The following HYI variants were observed in gnomAD, a reference collection of about 807,000 sequenced individuals.
HYI encodes hydroxypyruvate isomerase (putative).
A neutral mutation model predicts 39.7 loss-of-function variants in HYI; 47 were observed. That is an observed-to-expected ratio of 1.18 (90% CI 0.94 to 1.51). The LOEUF (loss-of-function observed/expected upper bound fraction) is 1.51. Ranked by LOEUF, HYI falls within the 40% of genes most tolerant of loss-of-function variation. The pLI is 0.00. For missense variants in HYI, 465 were observed against 370.3 expected, an observed-to-expected ratio of 1.26 and a Z score of -2.10; for synonymous variants, 186 against 158.8, an observed-to-expected ratio of 1.17 and a Z score of -1.29.
Position 43,451,961 on chromosome 1 carries a change from TG to T in HYI, c.478del (p.Gln160SerfsTer17). 1.9e-6 allele frequency: 3 copies of T among 1,612,138 alleles called. No individual in the cohort carries two copies. Among genetic ancestry groups the T allele is most frequent in the Non-Finnish European group, 2.5e-6 (3 of 1,178,626 alleles). ...CTGCTGGGGCGTGTCCAGGAAGTACTGGGGGTCAGTGATGCGGGTGTTGATG... is the reference window on the plus strand; with the variant it reads ...CTGCTGGGGCGTGTCCAGGAAGTACTGGGGTCAGTGATGCGGGTGTTGATG... ...EPINTRITDPQYFLDTPQQAA... is the reference protein window; with the variant it reads ...EPINTRITDPXYFLDTPQQAA... On this transcript the variant is annotated frameshift_variant, in exon 4 of 8. Coordinates refer to ENST00000372430, the MANE Select transcript of HYI (RefSeq NM_001190880.3). LOFTEE classifies it high-confidence loss of function.
Position 43,451,998 on chromosome 1 carries a change from G to A in HYI, c.442C>T (p.Leu148=), listed in dbSNP as rs1656488511. ...GVLAQEDLVG[L]LEPINTRITD... ...ATGCGGGTGTTGATGGGCTCCAGCA[G>A]TCCCACGAGGTCCTCCTAGCAGCAT... The change falls in exon 4 of 8, where the codon CTG becomes TTG. Residue 148 remains leucine (L), a synonymous_variant. Coordinates refer to ENST00000372430, the MANE Select transcript of HYI (RefSeq NM_001190880.3). The A allele has an allele frequency of 1.2e-6, 2 of 1,608,716 alleles. No homozygotes were observed. The highest frequency in any genetic ancestry group is 1.1e-5 in the South Asian group (1 of 90,618).
intron 4 of HYI, 26 bp downstream of exon 4, chr1:43,451,909 A>G: frequency 6.2e-7 from 1 of 1,613,346 alleles, no homozygotes; most frequent in Non-Finnish European, 8.5e-7. Flanking sequence ...AAAGGGACAG[A>G]AGGAGAGACA....
Position 43,453,547 on chromosome 1 carries a change from C to A in HYI, c.199+48G>T, listed in dbSNP as rs546174796. 453 of 1,520,192 alleles carry A rather than the reference C, an allele frequency of 3.0e-4. 4 individuals carry two copies. The South Asian group carries it at 3.7e-3, about 12-fold the overall frequency. 94.2% of individuals were successfully genotyped at this position (1,520,192 alleles called of 1,614,324 possible). A position where few individuals can be genotyped will look rare whatever the true frequency, so the allele number is the denominator to read the frequency against. ...CCCGGCTCGGACACTCCCCTGCCCGCGCCCCGGCACCCCCCAGCCCTCCCA... is the reference window on the plus strand; with the variant it reads ...CCCGGCTCGGACACTCCCCTGCCCGAGCCCCGGCACCCCCCAGCCCTCCCA... On this transcript the variant is annotated intron_variant, in intron 1 of 7. Coordinates refer to ENST00000372430, the MANE Select transcript of HYI (RefSeq NM_001190880.3).
downstream of HYI, chr1:43,450,756 C>T (rs150556127): frequency 8.9e-5 from 62 of 695,002 alleles, no homozygotes; most frequent in Middle Eastern, 5.2e-4. The surrounding 1 kb of genome is among the most constrained non-coding windows in gnomAD (Gnocchi z 4.3). Context: ...GTACTCCTTT[C>T]GGCCCCCCTG....
In HYI at chr1:43,451,537, C is replaced by T. The variant is rs771221314; in HGVS notation, c.633G>A (p.Val211=). 1 of 1,614,052 alleles carries T rather than the reference C, an allele frequency of 6.2e-7. No homozygotes were observed. The highest frequency in any genetic ancestry group is 1.1e-5 in the South Asian group (1 of 91,074). Residue 211 remains valine, a synonymous_variant, in exon 7 of 8, where the codon GTG becomes GTA. Transcript: ENST00000372430. ...CTCGGCCTGGGACCTGTGCCACCTG[C>T]ACATGCCCTGGGGACAGATGTGGAC... ...IREFLPIVGH[V]QVAQVPGRGE...
At chr1:43,452,673 TC>T in intron 2 of HYI, 1 of 603,062 alleles carries the variant, frequency 1.7e-6, no homozygotes, top group Non-Finnish European at 3.0e-6. Context: ...TGTCTCTACT[TC>T]CTCTCCTCGC....
rs1248672718 is a variant in HYI at position 43,453,595 on chromosome 1, C to T, written c.199G>A (p.Gly67Arg). 6 of 1,524,882 alleles carry T rather than the reference C, an allele frequency of 3.9e-6. No individual in the cohort carries two copies. In the South Asian group the frequency reaches 7.4e-5, roughly 19 times the overall value. The allele number at this position is 1,524,882 out of a possible 1,614,324, so 94.5% of individuals were successfully genotyped here. Residue 67 changes from glycine to arginine, a missense_variant and splice_region_variant, in exon 1 of 8, where the codon GGA becomes AGA. By Grantham distance (125) the Gly-to-Arg change is moderately radical. Coordinates refer to ENST00000372430, the MANE Select transcript of HYI (RefSeq NM_001190880.3). ...LRLVLINTPPGDQEKGEMGLG... is the reference protein window; with the variant it reads ...LRLVLINTPPRDQEKGEMGLG... Reference sequence around the variant, plus strand: ...CCAGCCCTCCCGGCCCGCGACGCACCCGGGGGCGTGTTGATCAGTACAAGC... The same window carrying T: ...CCAGCCCTCCCGGCCCGCGACGCACTCGGGGGCGTGTTGATCAGTACAAGC...
chr1:43,452,537 C>T, intron 2 of HYI: 1 of 656,148 alleles, frequency 1.5e-6, no homozygotes, highest in South Asian at 1.7e-5. Flanking sequence ...CCACCGCCTC[C>T]TGCCTCCAGT....
Position 43,451,545 on chromosome 1 carries a change from CTGGGGACAGATGTGGACA to C in HYI, c.626-19_626-2del, listed in dbSNP as rs1192764674. On this transcript the variant is annotated splice_acceptor_variant and splice_polypyrimidine_tract_variant and intron_variant, in intron 6 of 7. Transcript: ENST00000372430. LOFTEE classifies it high-confidence loss of function. ...GGGACCTGTGCCACCTGCACATGCC[CTGGGGACAGATGTGGACA>C]AATGTGGGGTCCAGGCTCCTGCCAG... 6.2e-7 allele frequency: 1 copy of C among 1,613,936 alleles called. No homozygotes were observed. The highest frequency in any genetic ancestry group is 1.1e-5 in the South Asian group (1 of 91,062).
intron 2 of HYI, chr1:43,452,830 T>C: frequency 6.7e-7 from 1 of 1,484,982 alleles, no homozygotes; most frequent in South Asian, 1.2e-5. Context: ...CCTCCTCCCA[T>C]CATCCCCTGA....
intron 2 of HYI, 76 bp downstream of exon 2, chr1:43,453,310 A>G: frequency 1.1e-6 from 1 of 916,410 alleles, no homozygotes; most frequent in Admixed American, 2.7e-5. Context: ...AGCGTCTCAG[A>G]TCTGGCGTCC....
Position 43,453,931 on chromosome 1 carries a change from G to A in HYI, c.-138C>T, listed in dbSNP as rs1656759707. The A allele has an allele frequency of 1.6e-5, 19 of 1,205,036 alleles. No homozygotes were observed. Among genetic ancestry groups the A allele is most frequent in the Non-Finnish European group, 1.8e-5 (17 of 970,998 alleles). 74.6% of individuals were successfully genotyped at this position (1,205,036 alleles called of 1,614,324 possible). On this transcript the variant is annotated 5_prime_UTR_variant, in exon 1 of 8. Coordinates refer to ENST00000372430, the MANE Select transcript of HYI (RefSeq NM_001190880.3). ...CACTGTTCGTGGTTAGAAAAGCGAAGTGCTGTAAAAACCCGGGCCTTCACG... is the reference window on the plus strand; with the variant it reads ...CACTGTTCGTGGTTAGAAAAGCGAAATGCTGTAAAAACCCGGGCCTTCACG...
Position 43,453,530 on chromosome 1 carries a change from G to A in HYI, c.200-33C>T, listed in dbSNP as rs377083938. 3.3e-6 allele frequency: 5 copies of A among 1,531,126 alleles called. No individual in the cohort carries two copies. In the African/African-American group the frequency reaches 5.5e-5, roughly 17 times the overall value. 94.8% of individuals were successfully genotyped at this position (1,531,126 alleles called of 1,614,324 possible). A position where few individuals can be genotyped will look rare whatever the true frequency, so the allele number is the denominator to read the frequency against. On this transcript the variant is annotated intron_variant, in intron 1 of 7. Coordinates refer to ENST00000372430, the MANE Select transcript of HYI (RefSeq NM_001190880.3). ...GAGAACGGGCCTCAGCCCCCGGCTC[G>A]GACACTCCCCTGCCCGCGCCCCGGC...
downstream of HYI, chr1:43,450,671 A>C: frequency 3.5e-6 from 3 of 846,560 alleles, no homozygotes; most frequent in Non-Finnish European, 5.5e-6. This position sits in a 1 kb window ranked among gnomAD's most constrained non-coding sequence, Gnocchi z 4.3. Context: ...CCCTCCCCAA[A>C]CACCCACAGC....
intron 2 of HYI, 70 bp from the exon 3 acceptor site, chr1:43,452,389 CTG>C (rs1054060243): frequency 2.4e-6 from 3 of 1,265,252 alleles, no homozygotes; most frequent in Admixed American, 1.9e-5. Context: ...GATTCCCTGA[CTG>C]TGCCAGCCCT....
At position 43,451,936 on chromosome 1, in the gene HYI, C is replaced by T; in HGVS notation, c.504G>A (p.Gln168=). 1.2e-6 allele frequency: 2 copies of T among 1,612,482 alleles called. No individual in the cohort carries two copies. The highest frequency in any genetic ancestry group is 1.1e-5 in the South Asian group (1 of 91,014). The change falls in exon 4 of 8, where the codon CAG becomes CAA. Residue 168 remains glutamine, a splice_region_variant and synonymous_variant. Coordinates refer to ENST00000372430, the MANE Select transcript of HYI (RefSeq NM_001190880.3). ...GGAGAGACAGGGCTGGGGTCGTACC[C>T]TGCTGGGGCGTGTCCAGGAAGTACT... ...DPQYFLDTPQ[Q]AAAILQKVGR... is the part of the protein sequence containing the mutation.
chr1:43,452,631 T>A, intron 2 of HYI: 2 of 596,532 alleles, frequency 3.4e-6, no homozygotes, highest in Non-Finnish European at 6.0e-6. Flanking sequence ...TGTCCTGACC[T>A]TTGCTTGCCC....
chr1:43,452,354 T>G, intron 2 of HYI, 35 bp from the exon 3 acceptor site: 1 of 1,516,660 alleles, frequency 6.6e-7, no homozygotes, highest in African/African-American at 1.4e-5. Flanking sequence ...CTTGCCTCCC[T>G]TGGCTCTCTC....
At chr1:43,452,677 C>T (rs1246425988) in intron 2 of HYI, 1 of 604,204 alleles carries the variant, frequency 1.7e-6, no homozygotes, top group Non-Finnish European at 2.9e-6. Flanking sequence ...TCTACTTCCT[C>T]TCCTCGCATC....
Sources: gnomAD v4.1 joint callset for allele counts on GRCh38, gnomAD v4.1.1 for gene constraint, Gnocchi (gnomAD v3.1) non-coding constraint, MANE v1.5 for transcripts, NCBI Gene and HGNC (gene_info 2026-07-23, HGNC 2026-07-21) for gene names.